Variants in FBXO4 observed in about 807,000 individuals in gnomAD.
The protein encoded by FBXO4 is F-box protein 4.
A neutral mutation model predicts 43.7 loss-of-function variants in FBXO4; 36 were observed. The observed-to-expected ratio is 0.82, with a 90% CI of 0.63 to 1.09. The LOEUF is 1.09. FBXO4 is among the 50% of genes least tolerant of loss of function. The probability of loss-of-function intolerance (pLI) is 0.00; values close to 1 mark genes in which losing one functional copy is unlikely to be tolerated. For missense variants in FBXO4, 435 were observed against 474.1 expected, an observed-to-expected ratio of 0.92 and a Z score of 0.77; for synonymous variants, 180 against 165.6, an observed-to-expected ratio of 1.09 and a Z score of -0.67.
intron 5 of FBXO4, among the ~76,000 whole-genome samples, chr5:41,938,606 A>G (rs986074211): frequency 3.3e-5 from 5 of 152,326 alleles, no homozygotes; most frequent in Middle Eastern, 3.4e-3. Context: ...ACAGTTCTCT[A>G]TGTCAGAAGT....
chr5:42,011,062 T>C, the FBXO4 span, among the ~76,000 whole-genome samples: 9 of 152,144 alleles, frequency 5.9e-5, no homozygotes, highest in African/African-American at 2.2e-4. Context: ...GTGTGTGATG[T>C]TCCCTTTCCT....
the FBXO4 span, among the ~76,000 whole-genome samples, chr5:41,949,530 G>A: frequency 1.3e-5 from 2 of 152,104 alleles, no homozygotes; most frequent in African/African-American, 4.8e-5. Flanking sequence ...CCTCTTCAAG[G>A]AGAACTACAA....
chr5:41,970,814 C>T, the FBXO4 span, among the ~76,000 whole-genome samples: 1 of 151,698 alleles, frequency 6.6e-6, no homozygotes, highest in Admixed American at 6.6e-5. Flanking sequence ...ATATACAATA[C>T]AGAATATAGA....
the FBXO4 span, among the ~76,000 whole-genome samples, chr5:41,993,491 C>T: frequency 6.6e-6 from 1 of 151,738 alleles, no homozygotes; most frequent in Non-Finnish European, 1.5e-5. Flanking sequence ...TAGCAAATTT[C>T]AACTATATAA....
the FBXO4 span, among the ~76,000 whole-genome samples, chr5:41,980,052 G>A: frequency 4.1e-4 from 62 of 152,220 alleles, no homozygotes; most frequent in African/African-American, 1.4e-3. Flanking sequence ...CTAACCTGGG[G>A]GCTTAGTGCA....
At chr5:42,029,771 A>C in the FBXO4 span, among the ~76,000 whole-genome samples, 3 of 151,718 alleles carry the variant, frequency 2.0e-5, no homozygotes, top group Non-Finnish European at 4.4e-5. Context: ...TGCCAATTGC[A>C]TTTTTTTCCA....
At chr5:41,978,702 A>C in the FBXO4 span, among the ~76,000 whole-genome samples, 6 of 152,198 alleles carry the variant, frequency 3.9e-5, no homozygotes, top group Non-Finnish European at 7.3e-5. Flanking sequence ...TAACTTTCCC[A>C]AATTTTTTCT....
chr5:41,999,505 GTGTATATATATATATATACA>G, the FBXO4 span, among the ~76,000 whole-genome samples: 3 of 63,360 alleles, frequency 4.7e-5, no homozygotes, highest in African/African-American at 2.4e-4. Flanking sequence ...ATATATATAT[GTGTATATATATATATATACA>G]TATATATATA....
At chr5:41,939,063 G>T (rs1241129063) in intron 5 of FBXO4, among the ~76,000 whole-genome samples, 2 of 152,188 alleles carry the variant, frequency 1.3e-5, no homozygotes, top group African/African-American at 2.4e-5. Context: ...AAGGGATTAT[G>T]CAAGGGTTTG....
intron 5 of FBXO4, among the ~76,000 whole-genome samples, chr5:41,936,375 A>G (rs1035059994): frequency 6.6e-6 from 1 of 152,174 alleles, no homozygotes; most frequent in African/African-American, 2.4e-5. Context: ...TCTACCAAGA[A>G]TACCAAAAAT....
the FBXO4 span, among the ~76,000 whole-genome samples, chr5:41,960,374 T>C: frequency 2.0e-5 from 3 of 152,156 alleles, no homozygotes; most frequent in Non-Finnish European, 2.9e-5. Context: ...TGTCTATAAA[T>C]TCCAGTACTA....
the FBXO4 span, chr5:41,963,754 C>T: frequency 3.0e-4 from 45 of 152,186 alleles, no homozygotes; most frequent in African/African-American, 1.1e-3. Flanking sequence ...AAGGGTTGGT[C>T]TTGATGTCTT....
intron 3 of FBXO4, among the ~76,000 whole-genome samples, chr5:41,933,520 C>G (rs573067574): frequency 3.9e-5 from 6 of 152,090 alleles, no homozygotes; most frequent in Non-Finnish European, 5.9e-5. Context: ...GCCTGCCCCC[C>G]CCATCAATTT....
chr5:41,961,961 C>T, the FBXO4 span, among the ~76,000 whole-genome samples: 2 of 152,204 alleles, frequency 1.3e-5, no homozygotes, highest in African/African-American at 4.8e-5. Context: ...CTCCTGGCAT[C>T]TCAAGTATGC....
chr5:41,934,301 T>C lies in FBXO4; in HGVS notation c.891T>C (p.Ala297=), dbSNP rs1480893457. ...DGFIYVANAE[A]HKRHEWQDEF... ...TCATCTATGTTGCAAATGCTGAAGCTCATAAAAGTAAGTACTCATATGTAC... is the reference window on the plus strand; with the variant it reads ...TCATCTATGTTGCAAATGCTGAAGCCCATAAAAGTAAGTACTCATATGTAC... Residue 297 remains alanine (A), a synonymous_variant, in exon 5 of 7, where the codon GCT becomes GCC. Coordinates refer to ENST00000281623, the MANE Select transcript of FBXO4 (RefSeq NM_012176.3). The C allele has an allele frequency of 6.2e-7, 1 of 1,614,136 alleles. No individual in the cohort carries two copies. Among genetic ancestry groups the C allele is most frequent in the Non-Finnish European group, 8.5e-7 (1 of 1,180,018 alleles).
At chr5:42,035,366 A>T in the FBXO4 span, among the ~76,000 whole-genome samples, 1 of 152,084 alleles carries the variant, frequency 6.6e-6, no homozygotes, top group Admixed American at 6.6e-5. Context: ...TATGTTGTAT[A>T]GGAGTGGTGA....
rs766992689 is a variant in FBXO4 at position 41,934,026 on chromosome 5, G to A, written c.722+5G>A. 1.9e-6 allele frequency: 3 copies of A among 1,613,422 alleles called. No homozygotes were observed. The highest frequency in any genetic ancestry group is 3.3e-5 in the Admixed American group (2 of 59,982). On this transcript the variant is annotated splice_donor_5th_base_variant and intron_variant, in intron 4 of 6. Transcript: ENST00000281623. ...AATCTTATATTCAACTACCAGGTAA[G>A]GCTACATACTTGGTGGCTTAACTGA... is the stretch of plus-strand genomic sequence containing the variant.
chr5:42,002,714 T>C, the FBXO4 span, among the ~76,000 whole-genome samples: 1 of 152,334 alleles, frequency 6.6e-6, no homozygotes, highest in East Asian at 1.9e-4. Flanking sequence ...ATATTATCTA[T>C]ATCTATCTAT....
chr5:41,939,364 T>G, intron 5 of FBXO4, 77 bp from the exon 6 acceptor site: 1 of 1,351,674 alleles, frequency 7.4e-7, no homozygotes, highest in Non-Finnish European at 1.0e-6. Flanking sequence ...TTCCCTCGCT[T>G]TGTTAGTTTT....
Sources: gnomAD v4.1 joint callset for allele counts (sites outside exome capture counted in the v4.1 genomes callset) on GRCh38, gnomAD v4.1.1 for gene constraint, MANE v1.5 for transcripts, NCBI Gene and HGNC (gene_info 2026-07-23, HGNC 2026-07-21) for gene names.